Variants in COPS9 observed in about 807,000 individuals in gnomAD.
The protein encoded by COPS9 is COP9 signalosome complex subunit 9.
A neutral mutation model predicts 7.2 loss-of-function variants in COPS9; 8 were observed. That is an observed-to-expected ratio of 1.11 (90% confidence interval 0.65 to 2.00). The LOEUF (loss-of-function observed/expected upper bound fraction) is 2.00, where lower values mean the gene tolerates loss of function less well. Ranked by LOEUF, COPS9 falls within the 30% of genes most tolerant of loss-of-function variation. The pLI is 0.00. For synonymous variants in COPS9, 39 were observed against 28.7 expected, an observed-to-expected ratio of 1.36 and a Z score of -1.14; for missense variants, 74 against 77.7, an observed-to-expected ratio of 0.95 and a Z score of 0.18.
chr2:240,133,122 T>G (rs1480679643), intron 2 of COPS9, among the ~76,000 whole-genome samples: 4 of 152,188 alleles, frequency 2.6e-5, no homozygotes, highest in African/African-American at 9.7e-5. Flanking sequence ...GAAACCGATG[T>G]GGCAAGCTCA....
chr2:240,134,210 T>A lies in COPS9; in HGVS notation c.64-205A>T. 4 of 564,336 alleles carry A rather than the reference T, an allele frequency of 7.1e-6. No individual in the cohort carries two copies. The South Asian group carries it at 9.0e-5, about 13-fold the overall frequency. 35.0% of individuals were successfully genotyped at this position (564,336 alleles called of 1,614,324 possible). ...TCAAAGGAATGATTTTTAAGGTCTC[T>A]CAAGGGCTTCTGTTCCTTGATTCCT... On this transcript the variant is annotated intron_variant, in intron 1 of 2. Transcript: ENST00000607357.
At chr2:240,134,845 C>T (rs1342831696) in intron 1 of COPS9, among the ~76,000 whole-genome samples, 1 of 152,162 alleles carries the variant, frequency 6.6e-6, no homozygotes, top group Non-Finnish European at 1.5e-5. Context: ...CCTCCATCTG[C>T]CTCATTCACA....
intron 2 of COPS9, among the ~76,000 whole-genome samples, chr2:240,131,830 A>G (rs2071925945): frequency 6.6e-6 from 1 of 152,224 alleles, no homozygotes. Context: ...GAAAATGTGC[A>G]GTATGAATTA....
intron 1 of COPS9, 155 bp downstream of exon 1, chr2:240,136,067 G>C: frequency 2.5e-6 from 3 of 1,195,344 alleles, no homozygotes; most frequent in Non-Finnish European, 3.3e-6. Context: ...CGGAGAAACC[G>C]GGATTTGCTC....
chr2:240,128,977 C>T (rs938358569), downstream of COPS9, among the ~76,000 whole-genome samples: 1 of 152,222 alleles, frequency 6.6e-6, no homozygotes, highest in African/African-American at 2.4e-5. Flanking sequence ...ACCAGGCAAA[C>T]CTGAAATTCT....
At chr2:240,128,085 C>T (rs969882476), downstream of COPS9, among the ~76,000 whole-genome samples, 2 of 152,176 alleles carry the variant, frequency 1.3e-5, no homozygotes, top group African/African-American at 2.4e-5. Context: ...GCTGAGAGTC[C>T]GGGTGCTGAT....
chr2:240,135,982 G>A, intron 1 of COPS9: 2 of 594,524 alleles, frequency 3.4e-6, no homozygotes, highest in Non-Finnish European at 5.3e-6. Flanking sequence ...TCAACCCTCA[G>A]GCTGCGCCTC....
At chr2:240,129,409 T>A (rs1379008567), downstream of COPS9, among the ~76,000 whole-genome samples, 2 of 151,984 alleles carry the variant, frequency 1.3e-5, no homozygotes, top group Non-Finnish European at 2.9e-5. Context: ...CAAGTGACCC[T>A]CCCGCCTCAC....
chr2:240,128,076 C>CTGA (rs1435750808), downstream of COPS9, among the ~76,000 whole-genome samples: 7 of 152,220 alleles, frequency 4.6e-5, no homozygotes, highest in Non-Finnish European at 1.0e-4. Context: ...CCAAGGTGTG[C>CTGA]TGAGAGTCCG....
downstream of COPS9, among the ~76,000 whole-genome samples, chr2:240,129,674 C>T (rs551547394): frequency 1.4e-4 from 22 of 152,296 alleles, no homozygotes; most frequent in African/African-American, 4.6e-4. Flanking sequence ...CCCACAGAGC[C>T]CTCTATGCCT....
intron 1 of COPS9, among the ~76,000 whole-genome samples, chr2:240,135,038 T>A (rs2151712230): frequency 6.6e-6 from 1 of 152,234 alleles, no homozygotes; most frequent in Non-Finnish European, 1.5e-5. Context: ...CTGGGTTTAA[T>A]GGAAGTGCTT....
rs1218528887 is a variant in COPS9, at chr2:240,132,195, G to A, written c.137-1107C>T. Among the ~76,000 whole-genome samples, 2 of 152,204 alleles carry A rather than the reference G, an allele frequency of 1.3e-5. No homozygotes were observed. Among genetic ancestry groups the A allele is most frequent in the Non-Finnish European group, 2.9e-5 (2 of 68,040 alleles). ...GGGCTCTTGTCACAGTCCAGCCCCT[G>A]CCTGCTGACTTGTCTGGACCCACAA... On this transcript the variant is annotated intron_variant, in intron 2 of 2. Coordinates refer to ENST00000607357, the MANE Select transcript of COPS9 (RefSeq NM_001163424.2). The surrounding 1 kb of genome is among the most constrained non-coding windows in gnomAD (Gnocchi z 4.1).
rs1448600924 is a variant in COPS9 at position 240,132,215 on chromosome 2, C to G, written c.137-1127G>C. Among the ~76,000 whole-genome samples, 1 of 152,164 alleles carries G rather than the reference C, an allele frequency of 6.6e-6. No homozygotes were observed. Among genetic ancestry groups the G allele is most frequent in the Non-Finnish European group, 1.5e-5 (1 of 68,026 alleles). ...CCCCTGCCTGCTGACTTGTCTGGAC[C>G]CACAATTTTGTAAGACATGGCGAGG... On this transcript the variant is annotated intron_variant, in intron 2 of 2. Coordinates refer to ENST00000607357, the MANE Select transcript of COPS9 (RefSeq NM_001163424.2). The surrounding 1 kb of genome is among the most constrained non-coding windows in gnomAD (Gnocchi z 4.1).
rs1222875033 is a variant in COPS9, at chr2:240,133,987, G to T, written c.82C>A (p.Leu28Ile). 1 of 1,614,172 alleles carries T rather than the reference G, an allele frequency of 6.2e-7. No homozygotes were observed. The highest frequency in any genetic ancestry group is 1.7e-5 in the Admixed American group (1 of 60,028). ...TCATTGGCTGCCAAGTCCATCAAGAGCCCGGTGCTGCCTCCCGCCTGGGGA... is the reference window on the plus strand; with the variant it reads ...TCATTGGCTGCCAAGTCCATCAAGATCCCGGTGCTGCCTCCCGCCTGGGGA... ...DLDEAGGSTG[L>I]LMDLAANEKA... is the part of the protein sequence containing the mutation. Residue 28 changes from leucine (L) to isoleucine (I), a missense_variant, in exon 2 of 3, where the codon CTC (leucine) becomes ATC (isoleucine). Transcript: ENST00000607357.
rs764034557 is a variant in COPS9 at position 240,132,660 on chromosome 2, G to C, written c.136+1273C>G. Among the ~76,000 whole-genome samples, 7 of 152,182 alleles carry C rather than the reference G, an allele frequency of 4.6e-5. No individual in the cohort carries two copies. The highest frequency in any genetic ancestry group is 1.0e-4 in the Non-Finnish European group (7 of 68,028). On this transcript the variant is annotated intron_variant, in intron 2 of 2. Coordinates refer to ENST00000607357, the MANE Select transcript of COPS9 (RefSeq NM_001163424.2). This position sits in a 1 kb window ranked among gnomAD's most constrained non-coding sequence, Gnocchi z 4.1. ...AACACAGCAATCGCCTCTAACCAAT[G>C]GGCTGGCAGAGGATAAATGGGACTT...
chr2:240,134,167 G>C (rs1205305592), intron 1 of COPS9, 162 bp from the exon 2 acceptor site: 4 of 617,626 alleles, frequency 6.5e-6, no homozygotes, highest in Non-Finnish European at 1.1e-5. Flanking sequence ...AATGTGTATT[G>C]GGGGGAGGGG....
chr2:240,129,962 C>T (rs1445293171), downstream of COPS9: 3 of 1,614,022 alleles, frequency 1.9e-6, no homozygotes, highest in Admixed American at 1.7e-5. Context: ...CCCCGTGCTC[C>T]GACTGCCCTC....
At chr2:240,135,926 G>A (rs989038332) in intron 1 of COPS9, 15 of 456,402 alleles carry the variant, frequency 3.3e-5, no homozygotes, top group Admixed American at 1.8e-4. Context: ...CAACTCCTCT[G>A]ACCACGGGTG....
downstream of COPS9, among the ~76,000 whole-genome samples, chr2:240,128,215 G>A (rs1311768562): frequency 6.6e-6 from 1 of 152,174 alleles, no homozygotes; most frequent in Non-Finnish European, 1.5e-5. Context: ...TGTTACCAGA[G>A]ATATAGTGTG....
Sources: allele counts gnomAD v4.1 joint callset (sites outside exome capture counted in the v4.1 genomes callset), GRCh38; gene constraint gnomAD v4.1.1; non-coding constraint Gnocchi (gnomAD v3.1); transcripts MANE v1.5; gene names NCBI Gene and HGNC (gene_info 2026-07-23, HGNC 2026-07-21).